The following DAG1 variants were observed in gnomAD, a reference collection of about 807,000 sequenced individuals.
DAG1 encodes dystroglycan 1 (dystrophin-associated glycoprotein 1).
Under a neutral mutation model 46.1 loss-of-function variants are expected in DAG1, and 8 were observed. That is an observed-to-expected ratio of 0.17 (90% CI 0.10 to 0.31). The LOEUF is 0.31. Among genes scored for constraint, DAG1 ranks in the 10% least tolerant of loss-of-function variants. DAG1 has a pLI of 1.00. For missense variants in DAG1, 1,003 were observed against 1,189.9 expected (o/e 0.84, Z 2.31); for synonymous variants, 495 against 481.8 (o/e 1.03, Z -0.36).
rs577508591 is a variant in DAG1, at chr3:49,527,538, A to G, written c.286-3259A>G. ...CTCTGTCTCAAAAAAAAAAAAAACC[A>G]ACAAAACACGAAAAATTAGCCAGGC... On this transcript the variant is annotated intron_variant, in intron 2 of 2. Coordinates refer to ENST00000308775, the MANE Select transcript of DAG1 (RefSeq NM_004393.6). Among the ~76,000 whole-genome samples the G allele has an allele frequency of 4.4e-4, 62 of 141,152 alleles. 1 individual carries two copies. The South Asian group carries it at 0.013, about 30-fold the overall frequency. 92.6% of individuals were successfully genotyped at this position (141,152 alleles called of 152,430 possible). A position where few individuals can be genotyped will look rare whatever the true frequency, so the allele number is the denominator to read the frequency against.
chr3:49,524,355 T>G (rs2051113426), intron 2 of DAG1, among the ~76,000 whole-genome samples: 1 of 152,164 alleles, frequency 6.6e-6, no homozygotes, highest in Non-Finnish European at 1.5e-5. Context: ...AAATTAGGTT[T>G]GTTTTGCTTC....
intron 1 of DAG1, chr3:49,487,557 C>T (rs1000446422): frequency 1.3e-5 from 2 of 152,210 alleles, no homozygotes; most frequent in Admixed American, 6.6e-5. Context: ...GTTCTCACTA[C>T]CCCTGAGCCC....
At chr3:49,527,223 CTA>C (rs2051198049) in intron 2 of DAG1, among the ~76,000 whole-genome samples, 1 of 150,866 alleles carries the variant, frequency 6.6e-6, no homozygotes, top group African/African-American at 2.5e-5. Context: ...AACCCCGTCT[CTA>C]CTAAAAATAC....
At chr3:49,499,657 G>T (rs1035473224) in intron 1 of DAG1, among the ~76,000 whole-genome samples, 2 of 152,146 alleles carry the variant, frequency 1.3e-5, no homozygotes, top group African/African-American at 4.8e-5. Flanking sequence ...ACAGAATGGG[G>T]TCATAAGGGC....
At chr3:49,512,270 T>G (rs1169270140) in intron 2 of DAG1, among the ~76,000 whole-genome samples, 1 of 152,138 alleles carries the variant, frequency 6.6e-6, no homozygotes, top group Admixed American at 6.6e-5. Context: ...TGGCACAATC[T>G]TGGCTCACTG....
chr3:49,498,863 C>T (rs2050378344), intron 1 of DAG1, among the ~76,000 whole-genome samples: 1 of 152,038 alleles, frequency 6.6e-6, no homozygotes, highest in African/African-American at 2.4e-5. Context: ...CATGCGCCAC[C>T]ATGCCTGGCT....
At chr3:49,505,677 ACTT>A (rs952043340) in intron 1 of DAG1, among the ~76,000 whole-genome samples, 20 of 151,900 alleles carry the variant, frequency 1.3e-4, no homozygotes, top group African/African-American at 4.6e-4. Context: ...TGTATGCCAA[ACTT>A]TTTTTTTTGA....
At chr3:49,478,141 C>T (rs1575337924) in intron 1 of DAG1, among the ~76,000 whole-genome samples, 1 of 151,556 alleles carries the variant, frequency 6.6e-6, no homozygotes, top group East Asian at 1.9e-4. Context: ...GTGGTGTGCG[C>T]CTGTAATCCC....
intron 1 of DAG1, among the ~76,000 whole-genome samples, chr3:49,489,397 A>C (rs2050123530): frequency 6.6e-6 from 1 of 152,104 alleles, no homozygotes. Context: ...TGGCCCTTGA[A>C]TTACTTTTAT....
intron 2 of DAG1, among the ~76,000 whole-genome samples, chr3:49,518,203 G>A (rs147712335): frequency 2.0e-4 from 30 of 152,286 alleles, no homozygotes; most frequent in African/African-American, 5.8e-4. Context: ...CAGGTGGAAC[G>A]TGATCTGCAT....
At position 49,532,546 on chromosome 3, in the gene DAG1, C is replaced by T. The variant is rs778608269; in HGVS notation, c.2035C>T (p.Arg679Cys). ...CPKEQIAGLS[R>C]RIAEDDGKPR... ...CAAGGAGCAGATCGCTGGGCTGAGC[C>T]GCCGGATCGCTGAGGATGATGGAAA... Residue 679 changes from arginine to cysteine, a missense_variant, in exon 3 of 3, where the codon CGC becomes TGC. Around this residue, in one of 3 missense-constraint regions of DAG1, gnomAD observed 755 missense variants for 854.1 expected, o/e 0.88. Transcript: ENST00000308775. The surrounding 1 kb of genome is among the most constrained non-coding windows in gnomAD (Gnocchi z 5.4). 2.0e-5 allele frequency: 33 copies of T among 1,613,490 alleles called. No individual in the cohort carries two copies. The highest frequency in any genetic ancestry group is 2.5e-5 in the Non-Finnish European group (29 of 1,179,428).
chr3:49,525,258 G>A (rs1288096732), intron 2 of DAG1, among the ~76,000 whole-genome samples: 2 of 152,160 alleles, frequency 1.3e-5, no homozygotes, highest in Non-Finnish European at 2.9e-5. Context: ...GGTAGTGGCC[G>A]GGACTTCAGG....
chr3:49,532,894 G>T lies in DAG1; in HGVS notation c.2383G>T (p.Gly795Trp). 1.2e-6 allele frequency: 2 copies of T among 1,614,110 alleles called. No homozygotes were observed. Among genetic ancestry groups the T allele is most frequent in the Non-Finnish European group, 1.7e-6 (2 of 1,180,014 alleles). The change falls in exon 3 of 3, where the codon GGG becomes TGG. Residue 795 changes from glycine to tryptophan, a missense_variant. Transcript: ENST00000308775. This position sits in a 1 kb window ranked among gnomAD's most constrained non-coding sequence, Gnocchi z 5.4. ...GGACCAGGCCACCTTCATCAAGAAG[G>T]GGGTGCCTATCATCTTTGCAGACGA... ...LEDQATFIKKGVPIIFADELD... is the reference protein window; with the variant it reads ...LEDQATFIKKWVPIIFADELD...
At chr3:49,526,282 T>A (rs2051169377) in intron 2 of DAG1, among the ~76,000 whole-genome samples, 3 of 151,842 alleles carry the variant, frequency 2.0e-5, no homozygotes, top group Admixed American at 2.0e-4. Context: ...CCTCCAACAC[T>A]AGGGATAATA....
At position 49,471,844 on chromosome 3, in the gene DAG1, G is replaced by A. The variant is rs995394343; in HGVS notation, c.-117+1411G>A. ...TCTGCCCTTAAGGAATTCAGTTTAG[G>A]GGGCAGTGGGGACCAGGGAACCCAT... On this transcript the variant is annotated intron_variant, in intron 1 of 2. Coordinates refer to ENST00000308775, the MANE Select transcript of DAG1 (RefSeq NM_004393.6). Among the ~76,000 whole-genome samples the A allele has an allele frequency of 4.6e-5, 7 of 152,280 alleles. No homozygotes were observed. The South Asian group carries it at 1.4e-3, about 32-fold the overall frequency.
intron 2 of DAG1, among the ~76,000 whole-genome samples, chr3:49,519,589 C>T (rs2050977836): frequency 6.6e-6 from 1 of 152,156 alleles, no homozygotes; most frequent in Non-Finnish European, 1.5e-5. Flanking sequence ...GTGGGTGTTC[C>T]GCATTTCTGA....
rs545628849 is a variant in DAG1 at position 49,474,224 on chromosome 3, T to G, written c.-117+3791T>G. On this transcript the variant is annotated intron_variant, in intron 1 of 2. Transcript: ENST00000308775. ...CGCATGCCACCACACCCGGCTGATT[T>G]TTTTTATTTTTAGTCGAGATGGGGT... Among the ~76,000 whole-genome samples the G allele has an allele frequency of 2.7e-4, 41 of 152,184 alleles. No homozygotes were observed. The South Asian group carries it at 8.5e-3, about 32-fold the overall frequency.
chr3:49,514,549 C>T (rs1318283547), intron 2 of DAG1, among the ~76,000 whole-genome samples: 1 of 152,154 alleles, frequency 6.6e-6, no homozygotes, highest in Non-Finnish European at 1.5e-5. Context: ...CGGCTCACTG[C>T]AACCTCCACC....
chr3:49,512,263 C>T (rs951676720), intron 2 of DAG1, among the ~76,000 whole-genome samples: 1 of 152,066 alleles, frequency 6.6e-6, no homozygotes, highest in African/African-American at 2.4e-5. Flanking sequence ...AGTGCAATGG[C>T]ACAATCTTGG....
Sources: gnomAD v4.1 joint callset for allele counts (sites outside exome capture counted in the v4.1 genomes callset) on GRCh38, gnomAD v4.1.1 for gene constraint, gnomAD v4.1.1 regional missense constraint, Gnocchi (gnomAD v3.1) non-coding constraint, MANE v1.5 for transcripts, NCBI Gene and HGNC (gene_info 2026-07-23, HGNC 2026-07-21) for gene names.